MAPK10: variants seen among roughly 807,000 people sequenced by gnomAD.
MAPK10 encodes mitogen-activated protein kinase 10.
Under a neutral mutation model 59.3 loss-of-function variants are expected in MAPK10, and 25 were observed. The ratio of observed to expected loss-of-function variants is 0.42; its 90% CI spans 0.31 to 0.59. The LOEUF is 0.59. Among genes scored for constraint, MAPK10 ranks in the 20% least tolerant of loss-of-function variants. MAPK10 has a pLI of 0.15. For synonymous variants in MAPK10, 190 were observed against 200.5 expected (o/e 0.95, Z 0.44); for missense variants, 351 against 568.9 (o/e 0.62, Z 3.90).
chr4:86,311,256 T>C (rs541667037), intron 2 of MAPK10, among the ~76,000 whole-genome samples: 1 of 152,202 alleles, frequency 6.6e-6, no homozygotes, highest in African/African-American at 2.4e-5. Context: ...AGGAGAAAGT[T>C]ATAAACCACA....
chr4:86,102,279 TG>T (rs2055575752), intron 6 of MAPK10: 1 of 382,722 alleles, frequency 2.6e-6, no homozygotes, highest in Non-Finnish European at 4.7e-6. Context: ...ACCTTAATTT[TG>T]CTTTCACTTT....
chr4:86,182,347 C>T (rs918436089), intron 3 of MAPK10, among the ~76,000 whole-genome samples: 3 of 152,094 alleles, frequency 2.0e-5, no homozygotes, highest in Non-Finnish European at 2.9e-5. Flanking sequence ...TTTCATTTTC[C>T]GTATTTCTCT....
chr4:86,545,471 G>A (rs779434096), intron 1 of MAPK10, among the ~76,000 whole-genome samples: 4 of 152,150 alleles, frequency 2.6e-5, no homozygotes, highest in African/African-American at 4.8e-5. Context: ...GGTGAAGGCC[G>A]TGACGAAAAG....
intron 2 of MAPK10, among the ~76,000 whole-genome samples, chr4:86,269,727 T>C (rs2094371873): frequency 6.6e-6 from 1 of 152,144 alleles, no homozygotes; most frequent in Admixed American, 6.6e-5. Flanking sequence ...AAAATGATTT[T>C]CTAGATAACA....
rs1360852315 is a variant in MAPK10, at chr4:86,354,555, T to C, written c.-32A>G. The C allele has an allele frequency of 4.1e-6, 5 of 1,230,480 alleles. No homozygotes were observed. Among genetic ancestry groups the C allele is most frequent in the Non-Finnish European group, 5.1e-6 (5 of 986,598 alleles). The allele number at this position is 1,230,480 out of a possible 1,614,324, so 76.2% of individuals were successfully genotyped here. A position where few individuals can be genotyped will look rare whatever the true frequency, so the allele number is the denominator to read the frequency against. ...CACAGCTTGTATGGTTTCTCATCTA[T>C]AGGAAACGGGTCTAATTCAACAGTT... On this transcript the variant is annotated 5_prime_UTR_variant, in exon 2 of 14. Coordinates refer to ENST00000641462, the MANE Select transcript of MAPK10 (RefSeq NM_138982.4).
chr4:86,394,295 G>A (rs1031608081), intron 1 of MAPK10, among the ~76,000 whole-genome samples: 1 of 151,662 alleles, frequency 6.6e-6, no homozygotes, highest in South Asian at 2.1e-4. Context: ...AAGAAAGAAA[G>A]AAGAATTGAT....
intron 1 of MAPK10, among the ~76,000 whole-genome samples, chr4:86,516,038 C>A (rs575267580): frequency 1.2e-4 from 19 of 152,022 alleles, no homozygotes; most frequent in African/African-American, 3.9e-4. Flanking sequence ...GTTTTTGATC[C>A]ATCTTAAGTT....
intron 10 of MAPK10, chr4:86,064,940 C>T (rs2046439180): frequency 6.6e-6 from 1 of 152,502 alleles, no homozygotes; most frequent in Admixed American, 6.5e-5. Flanking sequence ...GGGTATCCCT[C>T]TGTTGCCAGG....
chr4:86,126,320 C>T (rs1463038515), intron 4 of MAPK10, among the ~76,000 whole-genome samples: 1 of 151,998 alleles, frequency 6.6e-6, no homozygotes, highest in Non-Finnish European at 1.5e-5. Flanking sequence ...AAATTGTATT[C>T]TACCTTTGCA....
At chr4:86,023,347 A>G (rs776476282) in intron 13 of MAPK10, among the ~76,000 whole-genome samples, 3 of 152,278 alleles carry the variant, frequency 2.0e-5, no homozygotes, top group Non-Finnish European at 4.4e-5. Context: ...CTTTGTAGTA[A>G]GTTTTGAAAT....
chr4:86,165,258 T>C (rs1409855463), intron 3 of MAPK10, among the ~76,000 whole-genome samples: 1 of 152,204 alleles, frequency 6.6e-6, no homozygotes, highest in African/African-American at 2.4e-5. Context: ...TGCTTCATGA[T>C]ACCACTCCAA....
chr4:86,271,656 C>G (rs2094437932), intron 2 of MAPK10, among the ~76,000 whole-genome samples: 1 of 151,626 alleles, frequency 6.6e-6, no homozygotes. Context: ...TGACTCAGTT[C>G]CACAGGGCTT....
chr4:86,562,764 A>G (rs1218046902), intron 1 of MAPK10, among the ~76,000 whole-genome samples: 1 of 152,122 alleles, frequency 6.6e-6, no homozygotes, highest in East Asian at 1.9e-4. Flanking sequence ...AAGTTAAACT[A>G]TGTTGCAAAT....
At chr4:86,185,960 C>T (rs1008859540) in intron 3 of MAPK10, among the ~76,000 whole-genome samples, 1 of 151,786 alleles carries the variant, frequency 6.6e-6, no homozygotes, top group Non-Finnish European at 1.5e-5. Context: ...GAGTCCAGTT[C>T]CAGGAAAATG....
At chr4:86,130,113 T>C (rs1247532475) in intron 4 of MAPK10, among the ~76,000 whole-genome samples, 1 of 152,188 alleles carries the variant, frequency 6.6e-6, no homozygotes, top group African/African-American at 2.4e-5. Context: ...TACAGGGAAA[T>C]GAAATTCTAT....
At position 86,013,733 on chromosome 4, in the gene MAPK10, T is replaced by A. The variant is rs1742174084; in HGVS notation, c.*3495A>T. ...GTGTCTTTAGATAATATTTTTCTGA[T>A]AACAGATTGAAAAAACTATCGAGCT... is the stretch of plus-strand genomic sequence containing the variant. On this transcript the variant is annotated 3_prime_UTR_variant, in exon 14 of 14. Coordinates refer to ENST00000641462, the MANE Select transcript of MAPK10 (RefSeq NM_138982.4). The A allele has an allele frequency of 6.6e-6, 1 of 152,204 alleles. No homozygotes were observed. Among genetic ancestry groups the A allele is most frequent in the African/African-American group, 2.4e-5 (1 of 41,462 alleles). 9.4% of individuals were successfully genotyped at this position (152,204 alleles called of 1,614,324 possible). A position where few individuals can be genotyped will look rare whatever the true frequency, so the allele number is the denominator to read the frequency against.
At chr4:86,550,434 T>A (rs1759689446) in intron 1 of MAPK10, among the ~76,000 whole-genome samples, 1 of 140,234 alleles carries the variant, frequency 7.1e-6, no homozygotes, top group East Asian at 2.1e-4. Context: ...CACAGTGGCT[T>A]ACGCCTGTAA....
chr4:86,497,646 G>A (rs1461733216), intron 1 of MAPK10, among the ~76,000 whole-genome samples: 1 of 152,190 alleles, frequency 6.6e-6, no homozygotes, highest in Non-Finnish European at 1.5e-5. Context: ...GCTAAGTGGT[G>A]TGCTGATGAT....
intron 2 of MAPK10, among the ~76,000 whole-genome samples, chr4:86,348,460 C>A: frequency 6.6e-6 from 1 of 151,276 alleles, no homozygotes; most frequent in Non-Finnish European, 1.5e-5. Flanking sequence ...TTATTATAAC[C>A]CCCATTCTTC....
Sources: allele counts gnomAD v4.1 joint callset (sites outside exome capture counted in the v4.1 genomes callset), GRCh38; gene constraint gnomAD v4.1.1; transcripts MANE v1.5; gene names NCBI Gene and HGNC (gene_info 2026-07-23, HGNC 2026-07-21).